Variants in EXTL3 observed in about 807,000 individuals in gnomAD.
The protein encoded by EXTL3 is exostosin like glycosyltransferase 3, also known as exostosin-like 3.
In EXTL3, 27 loss-of-function variants were observed where a neutral mutation model predicts 69.3. The observed-to-expected ratio is 0.39, with a 90% CI of 0.29 to 0.54. The LOEUF (loss-of-function observed/expected upper bound fraction) is 0.54. EXTL3 is among the 20% of genes least tolerant of loss of function. The pLI is 0.69. For missense variants in EXTL3, 1,003 were observed against 1,231.8 expected, an observed-to-expected ratio of 0.81 and a Z score of 2.78; for synonymous variants, 511 against 499.4, an observed-to-expected ratio of 1.02 and a Z score of -0.31.
chr8:28,717,360 T>C lies in EXTL3; in HGVS notation c.1301T>C (p.Ile434Thr), dbSNP rs781738276. ...AAGCTCTCCACCTTCGCCCTCATCATTACCCCCGGGGACCCTCGCTTGGTT... is the reference window on the plus strand; with the variant it reads ...AAGCTCTCCACCTTCGCCCTCATCACTACCCCCGGGGACCCTCGCTTGGTT... ...LLKLSTFALI[I>T]TPGDPRLVIS... The change falls in exon 3 of 7, where the codon ATT becomes ACT. Residue 434 changes from isoleucine to threonine, a missense_variant. Ile to Thr is a moderately conservative substitution (Grantham distance 89, BLOSUM62 -1). Coordinates refer to ENST00000220562, the MANE Select transcript of EXTL3 (RefSeq NM_001440.4). The surrounding 1 kb of genome is among the most constrained non-coding windows in gnomAD (Gnocchi z 8.3). 1.9e-6 allele frequency: 3 copies of C among 1,614,174 alleles called. No homozygotes were observed. Among genetic ancestry groups the C allele is most frequent in the Non-Finnish European group, 2.5e-6 (3 of 1,180,020 alleles).
Position 28,717,154 on chromosome 8 carries a change from G to C in EXTL3, c.1095G>C (p.Glu365Asp). The stretch of plus-strand genomic sequence containing the variant: ...TTCAGGAGGCCCGCTCCTTCGAAGA[G>C]GAAATGGAGGGCGACCCTCCCGCCG... ...SSLQEARSFEEEMEGDPPADY... is the reference protein window; with the variant it reads ...SSLQEARSFEDEMEGDPPADY... The change falls in exon 3 of 7, where the codon GAG (glutamate) becomes GAC (aspartate). Residue 365 changes from glutamate to aspartate, a missense_variant. This residue lies in a region of EXTL3 where 742 missense variants were observed against 815.4 expected (regional missense o/e 0.91). Transcript: ENST00000220562. The surrounding 1 kb of genome is among the most constrained non-coding windows in gnomAD (Gnocchi z 8.3). 6.2e-7 allele frequency: 1 copy of C among 1,614,238 alleles called. No individual in the cohort carries two copies. The highest frequency in any genetic ancestry group is 8.5e-7 in the Non-Finnish European group (1 of 1,180,036).
intron 1 of EXTL3, among the ~76,000 whole-genome samples, chr8:28,690,460 GGGT>G (rs753808506): frequency 9.2e-5 from 14 of 152,012 alleles, no homozygotes; most frequent in African/African-American, 1.4e-4. Context: ...TGTTTTTTCT[GGGT>G]GGTGGTGGTG....
intron 1 of EXTL3, among the ~76,000 whole-genome samples, chr8:28,631,085 G>A (rs557262039): frequency 6.6e-6 from 1 of 151,928 alleles, no homozygotes; most frequent in East Asian, 1.9e-4. Flanking sequence ...AACAGGTCGG[G>A]TGACATCATT....
upstream of EXTL3, among the ~76,000 whole-genome samples, chr8:28,621,850 TTG>T (rs1317940514): frequency 2.6e-5 from 4 of 152,378 alleles, no homozygotes; most frequent in African/African-American, 4.8e-5. Context: ...ACGTGCTGTC[TTG>T]TGTGTGTTTG....
chr8:28,718,196 G>A lies in EXTL3; in HGVS notation c.2137G>A (p.Val713Ile), dbSNP rs774554716. 8.1e-6 allele frequency: 13 copies of A among 1,613,928 alleles called. No homozygotes were observed. Among genetic ancestry groups the A allele is most frequent in the African/African-American group, 2.7e-5 (2 of 74,920 alleles). Residue 713 changes from valine (V) to isoleucine (I), a missense_variant, in exon 3 of 7, where the codon GTC becomes ATC. Val to Ile is a conservative substitution (Grantham distance 29). Coordinates refer to ENST00000220562, the MANE Select transcript of EXTL3 (RefSeq NM_001440.4). ...SEDLLWPDIG[V>I]PIMVVRTEKN... ...GGACCTTCTGTGGCCTGACATTGGC[G>A]TCCCCATCATGGTAATAGAGAAACG...
At chr8:28,705,822 G>A (rs1350845676) in intron 1 of EXTL3, among the ~76,000 whole-genome samples, 1 of 152,144 alleles carries the variant, frequency 6.6e-6, no homozygotes, top group Non-Finnish European at 1.5e-5. Flanking sequence ...TTTCTACATC[G>A]CTACCCAGCC....
intron 1 of EXTL3, among the ~76,000 whole-genome samples, chr8:28,704,075 C>T (rs1800868365): frequency 6.6e-6 from 1 of 152,178 alleles, no homozygotes; most frequent in African/African-American, 2.4e-5. Context: ...AATTTTCAGT[C>T]ATTCAGACCT....
chr8:28,734,347 T>C (rs1044723729), intron 4 of EXTL3, among the ~76,000 whole-genome samples: 3 of 152,246 alleles, frequency 2.0e-5, no homozygotes, highest in Non-Finnish European at 4.4e-5. Context: ...CAGTTCATTT[T>C]TGTTGTATTT....
intron 1 of EXTL3, among the ~76,000 whole-genome samples, chr8:28,633,656 T>A (rs1349382669): frequency 1.3e-5 from 2 of 152,110 alleles, no homozygotes; most frequent in East Asian, 3.8e-4. Context: ...AATAATATTT[T>A]ATGACATGAA....
At chr8:28,644,304 T>C (rs1806793239) in intron 1 of EXTL3, among the ~76,000 whole-genome samples, 1 of 152,192 alleles carries the variant, frequency 6.6e-6, no homozygotes, top group Admixed American at 6.5e-5. Flanking sequence ...AAGTTTTTCT[T>C]TTTTTCTTTT....
intron 1 of EXTL3, among the ~76,000 whole-genome samples, chr8:28,694,150 A>C (rs1800653783): frequency 6.6e-6 from 1 of 152,038 alleles, no homozygotes; most frequent in African/African-American, 2.4e-5. Flanking sequence ...CTTCTGTGGG[A>C]CTCAAATCCC....
chr8:28,645,536 A>G lies in EXTL3; in HGVS notation c.-53+22726A>G, dbSNP rs545716403. Among the ~76,000 whole-genome samples, 2 of 152,364 alleles carry G rather than the reference A, an allele frequency of 1.3e-5. 1 individual carries two copies. The highest frequency in any genetic ancestry group is 4.1e-4 in the South Asian group (2 of 4,826). On this transcript the variant is annotated intron_variant, in intron 1 of 6. Coordinates refer to the EXTL3 transcript ENST00000523149. ...TTTTTGTAAAAGACAAATGTACAAC[A>G]ACGACTAGGAGGATGGTCACGAAGA...
chr8:28,645,745 T>G (rs1161482730), intron 1 of EXTL3, among the ~76,000 whole-genome samples: 1 of 152,022 alleles, frequency 6.6e-6, no homozygotes, highest in African/African-American at 2.4e-5. Flanking sequence ...CCCAGGCTGG[T>G]CTCAAACTCC....
In EXTL3 at chr8:28,668,865, C is replaced by CTCTTATTTTTTTTTT. The variant is rs1193812924; in HGVS notation, c.-52-44591_-52-44590insCTTATTTTTTTTTTT. On this transcript the variant is annotated intron_variant, in intron 1 of 6. Transcript: ENST00000523149. The stretch of plus-strand genomic sequence containing the variant: ...ACCCCTGCCTCCTTTGATAGAATCT[C>CTCTTATTTTTTTTTT]TTTTTTTTTTTTTTTTGAGACAGAG... Among the ~76,000 whole-genome samples the CTCTTATTTTTTTTTT allele has an allele frequency of 4.2e-3, 401 of 94,458 alleles. 6 individuals are homozygous for CTCTTATTTTTTTTTT. The highest frequency in any genetic ancestry group is 0.018 in the African/African-American group (387 of 21,846). 62.0% of individuals were successfully genotyped at this position (94,458 alleles called of 152,430 possible).
intron 1 of EXTL3, among the ~76,000 whole-genome samples, chr8:28,660,469 T>C (rs1048225379): frequency 3.9e-5 from 6 of 152,088 alleles, no homozygotes; most frequent in African/African-American, 1.4e-4. Flanking sequence ...CACTCCCAAT[T>C]ATATATATGT....
intron 1 of EXTL3, among the ~76,000 whole-genome samples, chr8:28,695,760 C>T (rs1310924530): frequency 6.6e-6 from 1 of 152,004 alleles, no homozygotes; most frequent in Non-Finnish European, 1.5e-5. Flanking sequence ...ATAGTGGCTC[C>T]TTCCAAAGGC....
chr8:28,750,909 A>G lies in EXTL3; in HGVS notation c.*43A>G. On this transcript the variant is annotated 3_prime_UTR_variant, in exon 7 of 7. Coordinates refer to ENST00000220562, the MANE Select transcript of EXTL3 (RefSeq NM_001440.4). This position sits in a 1 kb window ranked among gnomAD's most constrained non-coding sequence, Gnocchi z 5.2. ...GGGAAGAGGATGAGCAGAGGGAGGA[A>G]GATGGCTCCCAAGGTTCCTAGGCAT... The G allele has an allele frequency of 6.4e-7, 1 of 1,569,066 alleles. No individual in the cohort carries two copies. The highest frequency in any genetic ancestry group is 8.8e-7 in the Non-Finnish European group (1 of 1,141,436).
In EXTL3 at chr8:28,750,960, G is replaced by T; in HGVS notation, c.*94G>T. ...TGCAGGACCTTGGGCACATCTGCTG[G>T]TGGGTGGCCCAGAGCCTCTGCTGGA... On this transcript the variant is annotated 3_prime_UTR_variant, in exon 7 of 7. Coordinates refer to ENST00000220562, the MANE Select transcript of EXTL3 (RefSeq NM_001440.4). The surrounding 1 kb of genome is among the most constrained non-coding windows in gnomAD (Gnocchi z 5.2). 1 of 1,111,292 alleles carries T rather than the reference G, an allele frequency of 9.0e-7. No homozygotes were observed. The highest frequency in any genetic ancestry group is 1.3e-6 in the Non-Finnish European group (1 of 746,490). The allele number at this position is 1,111,292 out of a possible 1,614,324, so 68.8% of individuals were successfully genotyped here.
At chr8:28,704,023 ATCTTT>A (rs923023637) in intron 1 of EXTL3, among the ~76,000 whole-genome samples, 8 of 152,166 alleles carry the variant, frequency 5.3e-5, no homozygotes, top group East Asian at 1.9e-4. Context: ...TGTAAGCTTC[ATCTTT>A]TCTTTTCTTG....
Sources: gnomAD v4.1 joint callset for allele counts (sites outside exome capture counted in the v4.1 genomes callset) on GRCh38, gnomAD v4.1.1 for gene constraint, gnomAD v4.1.1 regional missense constraint, Gnocchi (gnomAD v3.1) non-coding constraint, MANE v1.5 for transcripts, NCBI Gene and HGNC (gene_info 2026-07-23, HGNC 2026-07-21) for gene names.